GLMN: variants seen among roughly 807,000 people sequenced by gnomAD.
GLMN encodes the protein glomulin.
In GLMN, 75 loss-of-function variants were observed where a neutral mutation model predicts 87.8. That is an observed-to-expected ratio of 0.85 (90% CI 0.71 to 1.04). The LOEUF (loss-of-function observed/expected upper bound fraction) is 1.04, where lower values mean the gene tolerates loss of function less well. GLMN is among the 50% of genes least tolerant of loss of function. GLMN has a pLI of 0.00. For missense variants in GLMN, 588 were observed against 658.8 expected (o/e 0.89, Z 1.18); for synonymous variants, 206 against 221.6 (o/e 0.93, Z 0.63).
chr1:92,344,050 CT>C, the GLMN span, among the ~76,000 whole-genome samples: 2 of 151,880 alleles, frequency 1.3e-5, no homozygotes, highest in Non-Finnish European at 2.9e-5. Context: ...TCCTTCTAGT[CT>C]TTTTTTTGTA....
chr1:92,296,851 G>A (rs1385731532), intron 3 of GLMN, among the ~76,000 whole-genome samples: 1 of 151,998 alleles, frequency 6.6e-6, no homozygotes, highest in East Asian at 1.9e-4. Flanking sequence ...TTAAAATTTG[G>A]TTTTCCATAC....
Position 92,247,899 on chromosome 1 carries a change from C to T in GLMN, c.1564G>A (p.Ala522Thr). ...CAACCTTGGCTATTTTTAATTTCTG[C>T]TTCATAATGTGCTTTTGACATATTA... is the stretch of plus-strand genomic sequence containing the variant. ...GLNMSKAHYE[A>T]EIKNSQEAQK... The change falls in exon 17 of 19, where the codon GCA becomes ACA. Residue 522 changes from alanine (A) to threonine (T), a missense_variant. Coordinates refer to ENST00000370360, the MANE Select transcript of GLMN (RefSeq NM_053274.3). 7.6e-7 allele frequency: 1 copy of T among 1,317,932 alleles called. No individual in the cohort carries two copies. Among genetic ancestry groups the T allele is most frequent in the Non-Finnish European group, 1.1e-6 (1 of 911,488 alleles). 81.6% of individuals were successfully genotyped at this position (1,317,932 alleles called of 1,614,324 possible). A position where few individuals can be genotyped will look rare whatever the true frequency, so the allele number is the denominator to read the frequency against.
chr1:92,264,168 C>T (rs993053202), intron 14 of GLMN, among the ~76,000 whole-genome samples: 59 of 152,126 alleles, frequency 3.9e-4, no homozygotes, highest in African/African-American at 1.3e-3. Flanking sequence ...CAAAATTCAG[C>T]CAGGCGCACT....
chr1:92,347,903 G>C, the GLMN span, among the ~76,000 whole-genome samples: 1 of 152,046 alleles, frequency 6.6e-6, no homozygotes, highest in Non-Finnish European at 1.5e-5. Context: ...TTCATATTGG[G>C]CAATCAATCT....
At chr1:92,348,244 C>T in the GLMN span, among the ~76,000 whole-genome samples, 119 of 152,322 alleles carry the variant, frequency 7.8e-4, no homozygotes, top group African/African-American at 2.8e-3. Flanking sequence ...TTGTCATTCA[C>T]CTTGCATCCC....
At chr1:92,259,803 C>T (rs1342997864) in intron 16 of GLMN, among the ~76,000 whole-genome samples, 1 of 134,524 alleles carries the variant, frequency 7.4e-6, no homozygotes, top group East Asian at 2.4e-4. Context: ...GGCATGATCT[C>T]GGCTCACTGC....
At chr1:92,272,250 A>AC (rs1262975403) in intron 7 of GLMN, among the ~76,000 whole-genome samples, 6 of 152,140 alleles carry the variant, frequency 3.9e-5, no homozygotes, top group African/African-American at 1.4e-4. Context: ...GCCCAATGAG[A>AC]CCCTGAGCAG....
chr1:92,302,757 G>T (rs1357584070), upstream of GLMN, among the ~76,000 whole-genome samples: 2 of 151,428 alleles, frequency 1.3e-5, no homozygotes, highest in African/African-American at 4.8e-5. Context: ...CCACCATTAC[G>T]CCCGGCTAAT....
At chr1:92,301,394 G>C, upstream of GLMN, 1 of 570,926 alleles carries the variant, frequency 1.8e-6, no homozygotes, top group Non-Finnish European at 3.0e-6. Flanking sequence ...AAAATAGTGA[G>C]TTAGGTTAGT....
At position 92,290,339 on chromosome 1, in the gene GLMN, T is replaced by C. The variant is rs752807580; in HGVS notation, c.286-33A>G. 18 of 1,233,558 alleles carry C rather than the reference T, an allele frequency of 1.5e-5. 1 individual carries two copies. The highest frequency in any genetic ancestry group is 1.1e-4 in the South Asian group (9 of 83,330). The allele number at this position is 1,233,558 out of a possible 1,614,324, so 76.4% of individuals were successfully genotyped here. ...AATATTCACAATTGAACCTGTTTAA[T>C]ACAAGTTGTATTTAAAGCCACATTA... is the stretch of plus-strand genomic sequence containing the variant. On this transcript the variant is annotated intron_variant, in intron 4 of 18. Transcript: ENST00000370360.
At position 92,262,882 on chromosome 1, in the gene GLMN, T is replaced by C. The variant is rs779472104; in HGVS notation, c.1454A>G (p.Asp485Gly). 15 of 1,164,524 alleles carry C rather than the reference T, an allele frequency of 1.3e-5. No homozygotes were observed. The highest frequency in any genetic ancestry group is 1.8e-5 in the Non-Finnish European group (14 of 775,042). The allele number at this position is 1,164,524 out of a possible 1,614,324, so 72.1% of individuals were successfully genotyped here. Reference protein sequence around the residue: ...LNLLRYLVIKDNENDNQTGLW... With the variant: ...LNLLRYLVIKGNENDNQTGLW... ...ACTTACTTGATTGTCATTTTCATTA[T>C]CTTTGATAACCAAATACCTCAATAA... The change falls in exon 16 of 19, where the codon GAT becomes GGT. Residue 485 changes from aspartate (D) to glycine (G), a missense_variant. Transcript: ENST00000370360.
At chr1:92,300,118 T>G, upstream of GLMN, 1 of 980,594 alleles carries the variant, frequency 1.0e-6, no homozygotes, top group Non-Finnish European at 1.6e-6. Flanking sequence ...TTTAATCTTA[T>G]GAGACCGCTG....
At chr1:92,360,351 A>G in the GLMN span, among the ~76,000 whole-genome samples, 1 of 152,198 alleles carries the variant, frequency 6.6e-6, no homozygotes, top group African/African-American at 2.4e-5. Context: ...TGGAGACCAG[A>G]TTGCAAAGGC....
intron 9 of GLMN, among the ~76,000 whole-genome samples, chr1:92,269,255 A>G (rs1272841132): frequency 2.0e-5 from 3 of 151,812 alleles, no homozygotes; most frequent in Admixed American, 2.0e-4. Flanking sequence ...TCAAATGAGA[A>G]AAGTTGTAAT....
chr1:92,271,636 A>C lies in GLMN; in HGVS notation c.752T>G (p.Ile251Ser), dbSNP rs1345302030. ...ASEIIGFLSA[I>S]GHPFPKMIFN... ...AATCATTTTGGGGAAAGGGTGTCCA[A>C]TTGCTGATAAAAAACCCTATGAAAT... The change falls in exon 8 of 19, where the codon ATT (isoleucine) becomes AGT (serine). Residue 251 changes from isoleucine (I) to serine (S), a missense_variant. Physicochemically the swap from Ile to Ser is moderately radical, Grantham distance 142 (BLOSUM62 -2). Coordinates refer to ENST00000370360, the MANE Select transcript of GLMN (RefSeq NM_053274.3). 1 of 1,611,714 alleles carries C rather than the reference A, an allele frequency of 6.2e-7. No homozygotes were observed. The highest frequency in any genetic ancestry group is 1.3e-5 in the African/African-American group (1 of 74,904).
At chr1:92,313,270 T>C in the GLMN span, among the ~76,000 whole-genome samples, 1 of 152,164 alleles carries the variant, frequency 6.6e-6, no homozygotes, top group African/African-American at 2.4e-5. Flanking sequence ...CAACTATACC[T>C]TTAGGAAATG....
Position 92,297,994 on chromosome 1 carries a change from A to T in GLMN, c.6T>A (p.Ala2=). 6.7e-7 allele frequency: 1 copy of T among 1,499,898 alleles called. No individual in the cohort carries two copies. Among genetic ancestry groups the T allele is most frequent in the Non-Finnish European group, 9.3e-7 (1 of 1,076,348 alleles). 92.9% of individuals were successfully genotyped at this position (1,499,898 alleles called of 1,614,324 possible). A position where few individuals can be genotyped will look rare whatever the true frequency, so the allele number is the denominator to read the frequency against. Residue 2 remains alanine (A), a synonymous_variant, in exon 2 of 19, where the codon GCT becomes GCA. Transcript: ENST00000370360. M[A]VEELQSIIKR... The stretch of plus-strand genomic sequence containing the variant: ...TTATTATAGACTGAAGTTCCTCTAC[A>T]GCCATTCTTATTTCTCCTAGTTTCG...
At chr1:92,348,266 G>A in the GLMN span, among the ~76,000 whole-genome samples, 6 of 152,158 alleles carry the variant, frequency 3.9e-5, no homozygotes, top group South Asian at 2.1e-4. Flanking sequence ...TCTCTCTTTC[G>A]TTATGCCCTA....
chr1:92,266,253 A>G (rs1265827869), intron 13 of GLMN, among the ~76,000 whole-genome samples, 166 bp downstream of exon 13: 1 of 152,196 alleles, frequency 6.6e-6, no homozygotes, highest in African/African-American at 2.4e-5. Context: ...GAAATATTTG[A>G]TTAACCCTTT....
Sources: gnomAD v4.1 joint callset for allele counts (sites outside exome capture counted in the v4.1 genomes callset) on GRCh38, gnomAD v4.1.1 for gene constraint, MANE v1.5 for transcripts, NCBI Gene and HGNC (gene_info 2026-07-23, HGNC 2026-07-21) for gene names.